TMEM39A: variants seen among roughly 807,000 people sequenced by gnomAD.
TMEM39A encodes transmembrane protein 39A.
A neutral mutation model predicts 51.9 loss-of-function variants in TMEM39A; 19 were observed. The observed-to-expected ratio is 0.37, with a 90% CI of 0.26 to 0.54. The LOEUF is 0.54. Among genes scored for constraint, TMEM39A ranks in the 20% least tolerant of loss-of-function variants. The probability of loss-of-function intolerance (pLI) is 0.88; values close to 1 mark genes in which losing one functional copy is unlikely to be tolerated. For synonymous variants in TMEM39A, 197 were observed against 220.2 expected (o/e 0.89, Z 0.93); for missense variants, 433 against 590.5 (o/e 0.73, Z 2.76).
At chr3:119,449,100 G>A (rs2081165028) in intron 4 of TMEM39A, among the ~76,000 whole-genome samples, 1 of 152,144 alleles carries the variant, frequency 6.6e-6, no homozygotes, top group Admixed American at 6.5e-5. Flanking sequence ...CGGTATTTAA[G>A]CTGAGACCTA....
chr3:119,449,294 C>G (rs1363390582), intron 4 of TMEM39A, among the ~76,000 whole-genome samples: 2 of 152,104 alleles, frequency 1.3e-5, no homozygotes, highest in Non-Finnish European at 2.9e-5. Flanking sequence ...TGGTCTTTGG[C>G]CGGGTGCAAT....
At position 119,462,105 on chromosome 3, in the gene TMEM39A, C is replaced by T. The variant is rs375495372; in HGVS notation, c.-31G>A. On this transcript the variant is annotated 5_prime_UTR_variant, in exon 2 of 9. Coordinates refer to ENST00000319172, the MANE Select transcript of TMEM39A (RefSeq NM_018266.3). ...GGAACCAGTCTGCTTCCAGTGCCAC[C>T]TGTAGTTGCAACCCAGGTTAATGGT... 1.6e-5 allele frequency: 26 copies of T among 1,575,862 alleles called. No individual in the cohort carries two copies. The Admixed American group carries it at 2.7e-4, about 16-fold the overall frequency.
In TMEM39A at chr3:119,430,542, C is replaced by T. The variant is rs184920313; in HGVS notation, c.*1439G>A. On this transcript the variant is annotated 3_prime_UTR_variant, in exon 9 of 9. Coordinates refer to ENST00000319172, the MANE Select transcript of TMEM39A (RefSeq NM_018266.3). ...TATATCCCCAGGGCCTAATATAGTG[C>T]CTACTGGTTAATATATATTTGTTGA... 17 of 152,076 alleles carry T rather than the reference C, an allele frequency of 1.1e-4. No individual in the cohort carries two copies. The highest frequency in any genetic ancestry group is 3.4e-3 in the Middle Eastern group (1 of 294). 9.4% of individuals were successfully genotyped at this position (152,076 alleles called of 1,614,324 possible). A position where few individuals can be genotyped will look rare whatever the true frequency, so the allele number is the denominator to read the frequency against.
chr3:119,435,158 A>ATGTGTAAGCCAGAAAACAG, intron 7 of TMEM39A: 2 of 985,440 alleles, frequency 2.0e-6, no homozygotes, highest in Non-Finnish European at 2.4e-6. Flanking sequence ...GCAGACATAA[A>ATGTGTAAGCCAGAAAACAG]TGTGTAAGCC....
intron 8 of TMEM39A, among the ~76,000 whole-genome samples, chr3:119,432,480 TA>T (rs1417505854): frequency 3.3e-5 from 5 of 152,116 alleles, no homozygotes; most frequent in Admixed American, 1.3e-4. Flanking sequence ...AAACTACTTA[TA>T]AACATTTTTC....
At chr3:119,446,736 G>A (rs2081130574) in intron 5 of TMEM39A, 2 of 297,232 alleles carry the variant, frequency 6.7e-6, no homozygotes, top group South Asian at 1.3e-4. Context: ...GATAGCAAGA[G>A]GGGCCTTTAC....
chr3:119,448,537 G>A (rs1016977284), intron 4 of TMEM39A, among the ~76,000 whole-genome samples: 1 of 152,042 alleles, frequency 6.6e-6, no homozygotes, highest in Admixed American at 6.5e-5. Context: ...GCATATATAC[G>A]TAATATATAG....
chr3:119,451,336 G>A, intron 4 of TMEM39A: 1 of 1,265,910 alleles, frequency 7.9e-7, no homozygotes, highest in Non-Finnish European at 1.0e-6. Context: ...TATGTTTTGG[G>A]AAAAAGAAGT....
At chr3:119,446,740 C>T in intron 5 of TMEM39A, 2 of 307,220 alleles carry the variant, frequency 6.5e-6, no homozygotes, top group South Asian at 1.2e-4. Context: ...GCAAGAGGGG[C>T]CTTTACTTGG....
intron 8 of TMEM39A, among the ~76,000 whole-genome samples, chr3:119,434,298 T>A (rs2080939209): frequency 6.6e-6 from 1 of 152,200 alleles, no homozygotes; most frequent in South Asian, 2.1e-4. Context: ...TTGTCTGACT[T>A]CCAAAGGGGA....
chr3:119,433,105 C>T (rs892597539), intron 8 of TMEM39A, among the ~76,000 whole-genome samples: 21 of 152,252 alleles, frequency 1.4e-4, no homozygotes, highest in African/African-American at 5.1e-4. Context: ...GCAGTAACAG[C>T]AGTGATCAGA....
intron 6 of TMEM39A, among the ~76,000 whole-genome samples, chr3:119,437,206 G>C (rs929132178): frequency 1.3e-5 from 2 of 152,178 alleles, no homozygotes; most frequent in African/African-American, 4.8e-5. Context: ...TATATTTTAA[G>C]TGTCTCCTTT....
intron 2 of TMEM39A, 38 bp downstream of exon 2, chr3:119,461,924 G>A (rs192482018): frequency 6.7e-7 from 1 of 1,487,762 alleles, no homozygotes; most frequent in African/African-American, 1.4e-5. Context: ...ACTGATCAAA[G>A]GACATTAAAA....
chr3:119,437,606 C>T (rs1042011567), intron 6 of TMEM39A, 149 bp downstream of exon 6: 9 of 490,732 alleles, frequency 1.8e-5, no homozygotes, highest in South Asian at 6.0e-5. Flanking sequence ...CAACCAGGAG[C>T]GGTATTAGTG....
At chr3:119,446,683 C>T (rs1393995523) in intron 5 of TMEM39A, 1 of 182,138 alleles carries the variant, frequency 5.5e-6, no homozygotes, top group African/African-American at 2.4e-5. Flanking sequence ...GGTTTTCGAA[C>T]CAGTGCATTC....
chr3:119,435,255 G>A (rs984335518), intron 7 of TMEM39A: 3 of 985,356 alleles, frequency 3.0e-6, no homozygotes, highest in Non-Finnish European at 3.6e-6. Flanking sequence ...GAACAAACAA[G>A]AAGAGAAAGC....
intron 2 of TMEM39A, among the ~76,000 whole-genome samples, chr3:119,459,449 C>A (rs1350211681): frequency 6.6e-6 from 1 of 151,890 alleles, no homozygotes; most frequent in Non-Finnish European, 1.5e-5. Flanking sequence ...AAGCAGTGGT[C>A]ATTTGGACAC....
intron 6 of TMEM39A, among the ~76,000 whole-genome samples, chr3:119,437,350 A>G (rs2080983648): frequency 1.3e-5 from 2 of 151,382 alleles, no homozygotes; most frequent in Admixed American, 1.3e-4. Context: ...CTTTTCTATT[A>G]AAGTAAACTG....
In TMEM39A at chr3:119,457,940, A is replaced by C. The variant is rs2081287677; in HGVS notation, c.336+78T>G. ...ATTAAAAGAAAAATTATTAAGAAAAACAATTTCTACAGAAAGGCTTTCCAG... is the reference window on the plus strand; with the variant it reads ...ATTAAAAGAAAAATTATTAAGAAAACCAATTTCTACAGAAAGGCTTTCCAG... On this transcript the variant is annotated intron_variant, in intron 3 of 8. Transcript: ENST00000319172. 5 of 1,098,982 alleles carry C rather than the reference A, an allele frequency of 4.5e-6. No individual in the cohort carries two copies. The South Asian group carries it at 7.8e-5, about 17-fold the overall frequency. The allele number at this position is 1,098,982 out of a possible 1,614,324, so 68.1% of individuals were successfully genotyped here. A position where few individuals can be genotyped will look rare whatever the true frequency, so the allele number is the denominator to read the frequency against.
Sources: allele counts gnomAD v4.1 joint callset (sites outside exome capture counted in the v4.1 genomes callset), GRCh38; gene constraint gnomAD v4.1.1; transcripts MANE v1.5; gene names NCBI Gene and HGNC (gene_info 2026-07-23, HGNC 2026-07-21).